KLF12: variants seen among roughly 807,000 people sequenced by gnomAD.
The protein encoded by KLF12 is Krueppel-like factor 12.
KLF12 carries 9 observed loss-of-function variants against 37.8 expected under a neutral mutation model. The ratio of observed to expected loss-of-function variants is 0.24; its 90% CI spans 0.14 to 0.42. The LOEUF is 0.42. Ranked by LOEUF, KLF12 falls within the 10% of genes least tolerant of loss-of-function variation. The probability of loss-of-function intolerance (pLI) is 1.00; values close to 1 mark genes in which losing one functional copy is unlikely to be tolerated. For synonymous variants in KLF12, 208 were observed against 202.1 expected (o/e 1.03, Z -0.25); for missense variants, 411 against 516.0 (o/e 0.80, Z 1.97).
intron 7 of KLF12, among the ~76,000 whole-genome samples, chr13:73,698,848 C>T (rs1479657057): frequency 1.3e-5 from 2 of 152,076 alleles, no homozygotes; most frequent in African/African-American, 2.4e-5. Context: ...TTTTTGTAAG[C>T]TTCGTGAATA....
At chr13:74,140,809 T>C in the KLF12 span, among the ~76,000 whole-genome samples, 1 of 152,062 alleles carries the variant, frequency 6.6e-6, no homozygotes, top group African/African-American at 2.4e-5. Context: ...ATCCCAGCAC[T>C]TTGGGAGGCC....
chr13:74,027,785 A>C (rs937491737), intron 1 of KLF12, among the ~76,000 whole-genome samples: 1 of 152,186 alleles, frequency 6.6e-6, no homozygotes, highest in Non-Finnish European at 1.5e-5. Context: ...AAATTTTCCC[A>C]TAAGAGTTTC....
intron 4 of KLF12, among the ~76,000 whole-genome samples, chr13:73,841,691 A>C (rs1288807543): frequency 6.6e-6 from 1 of 152,154 alleles, no homozygotes; most frequent in Non-Finnish European, 1.5e-5. Context: ...GGCTGGTGCA[A>C]GAGTAAATGC....
chr13:73,725,341 C>G (rs1487892477), intron 6 of KLF12, among the ~76,000 whole-genome samples: 1 of 152,192 alleles, frequency 6.6e-6, no homozygotes, highest in Admixed American at 6.5e-5. Flanking sequence ...ACCTCGTGAT[C>G]TGCCTGCCTT....
At chr13:74,299,667 C>CTTTTT in the KLF12 span, among the ~76,000 whole-genome samples, 2 of 152,114 alleles carry the variant, frequency 1.3e-5, no homozygotes, top group African/African-American at 4.8e-5. Context: ...GAAGAACTGC[C>CTTTTT]ATAGAGAGTT....
chr13:73,960,872 T>A lies in KLF12; in HGVS notation c.34-16802A>T, dbSNP rs141291981. Among the ~76,000 whole-genome samples, 249 of 152,262 alleles carry A rather than the reference T, an allele frequency of 1.6e-3. 2 individuals are homozygous for A. Among genetic ancestry groups the A allele is most frequent in the African/African-American group, 4.6e-3 (193 of 41,568 alleles). On this transcript the variant is annotated intron_variant, in intron 2 of 7. Transcript: ENST00000377669. ...CTTGACAATAGACAAATGGACACAT[T>A]ATACTATTATCTTGTGCTAAGTATT... is the stretch of plus-strand genomic sequence containing the variant.
intron 3 of KLF12, among the ~76,000 whole-genome samples, chr13:73,908,231 T>A (rs1421154757): frequency 2.0e-5 from 3 of 151,534 alleles, no homozygotes; most frequent in African/African-American, 7.3e-5. Context: ...TGAAACCCTG[T>A]TTCTACTAAA....
At chr13:73,861,414 T>G (rs1885919408) in intron 3 of KLF12, among the ~76,000 whole-genome samples, 1 of 152,232 alleles carries the variant, frequency 6.6e-6, no homozygotes, top group African/African-American at 2.4e-5. Context: ...CTCCTTCATG[T>G]TAATTCCATT....
At chr13:74,152,681 A>C in the KLF12 span, among the ~76,000 whole-genome samples, 1 of 151,818 alleles carries the variant, frequency 6.6e-6, no homozygotes, top group Non-Finnish European at 1.5e-5. Flanking sequence ...CCAGGAGTTC[A>C]AGACAAGCCT....
chr13:73,793,047 C>A (rs1881775658), intron 5 of KLF12, among the ~76,000 whole-genome samples: 1 of 152,156 alleles, frequency 6.6e-6, no homozygotes, highest in East Asian at 1.9e-4. Context: ...CATCTGCAGA[C>A]ATGAATTTGA....
intron 1 of KLF12, among the ~76,000 whole-genome samples, chr13:74,052,047 A>G (rs1164797468): frequency 6.7e-6 from 1 of 150,336 alleles, no homozygotes; most frequent in East Asian, 1.9e-4. Context: ...AAACTTAAAG[A>G]AAAAAAAAGA....
the KLF12 span, among the ~76,000 whole-genome samples, chr13:74,263,924 G>A: frequency 1.3e-5 from 2 of 152,100 alleles, no homozygotes; most frequent in Non-Finnish European, 2.9e-5. Context: ...TTTATAGCCA[G>A]GTTTGTTTTT....
chr13:73,898,720 C>T (rs867554594), intron 3 of KLF12, among the ~76,000 whole-genome samples: 1 of 152,098 alleles, frequency 6.6e-6, no homozygotes, highest in Non-Finnish European at 1.5e-5. Flanking sequence ...TGACAGTACG[C>T]CCAAGAAAGG....
At chr13:73,754,513 T>A (rs1005268040) in intron 6 of KLF12, among the ~76,000 whole-genome samples, 7 of 152,160 alleles carry the variant, frequency 4.6e-5, no homozygotes, top group Non-Finnish European at 8.8e-5. Flanking sequence ...TGTAGTTTAG[T>A]GGTGCTTCTG....
At chr13:73,794,968 G>A (rs934704368) in intron 5 of KLF12, among the ~76,000 whole-genome samples, 9 of 152,114 alleles carry the variant, frequency 5.9e-5, no homozygotes, top group African/African-American at 9.7e-5. Flanking sequence ...GTACAGACGC[G>A]TCTTTGTGCT....
chr13:73,874,316 T>G (rs6562788), intron 3 of KLF12, among the ~76,000 whole-genome samples: 80,867 of 152,032 alleles, frequency 0.53, 21,892 homozygotes, highest in Middle Eastern at 0.59. Context: ...TGGGCTGAGG[T>G]AGGGAAGGTG....
the KLF12 span, among the ~76,000 whole-genome samples, chr13:74,153,881 A>G: frequency 6.6e-6 from 1 of 152,114 alleles, no homozygotes; most frequent in East Asian, 1.9e-4. Context: ...TTTAAGTGAA[A>G]TGGTGATGTT....
intron 1 of KLF12, among the ~76,000 whole-genome samples, chr13:74,091,705 T>TA (rs200805520): frequency 4.4e-4 from 66 of 151,122 alleles, no homozygotes; most frequent in Middle Eastern, 3.4e-3. Flanking sequence ...TTTAAGGCAG[T>TA]AAAAAAAAAC....
intron 3 of KLF12, among the ~76,000 whole-genome samples, chr13:73,870,295 A>T (rs1168605280): frequency 6.6e-6 from 1 of 152,208 alleles, no homozygotes; most frequent in Non-Finnish European, 1.5e-5. Context: ...AGCAAGTTGA[A>T]GATTTACCAG....
Sources: gnomAD v4.1 joint callset for allele counts (sites outside exome capture counted in the v4.1 genomes callset) on GRCh38, gnomAD v4.1.1 for gene constraint, MANE v1.5 for transcripts, NCBI Gene and HGNC (gene_info 2026-07-23, HGNC 2026-07-21) for gene names.